The following DLC1 variants were observed in gnomAD, a reference collection of about 807,000 sequenced individuals.
DLC1 encodes DLC1 Rho GTPase activating protein.
A neutral mutation model predicts 140.3 loss-of-function variants in DLC1; 54 were observed. The observed-to-expected ratio is 0.38, with a 90% CI of 0.31 to 0.48. The LOEUF is 0.48. DLC1 is among the 20% of genes least tolerant of loss of function. The pLI is 0.96. For synonymous variants in DLC1, 986 were observed against 728.1 expected (o/e 1.35, Z -5.70); for missense variants, 2,536 against 1,907.0 (o/e 1.33, Z -6.14).
chr8:13,158,228 G>A (rs771414827), intron 5 of DLC1, among the ~76,000 whole-genome samples: 16 of 152,180 alleles, frequency 1.1e-4, no homozygotes, highest in African/African-American at 3.9e-4. Context: ...GGTTAATTGT[G>A]TGTCTGACTT....
At chr8:13,228,742 T>G (rs781665845) in intron 5 of DLC1, among the ~76,000 whole-genome samples, 2 of 152,158 alleles carry the variant, frequency 1.3e-5, no homozygotes, top group African/African-American at 4.8e-5. Context: ...AGAGCGAGAC[T>G]CTGTCTCTTT....
chr8:13,373,890 C>G (rs1835841547), intron 4 of DLC1, among the ~76,000 whole-genome samples: 1 of 152,146 alleles, frequency 6.6e-6, no homozygotes, highest in South Asian at 2.1e-4. Flanking sequence ...AAAGCATGTT[C>G]TACTTTATAA....
chr8:13,382,335 G>A (rs1289378866), intron 4 of DLC1, among the ~76,000 whole-genome samples: 1 of 150,824 alleles, frequency 6.6e-6, no homozygotes, highest in African/African-American at 2.4e-5. Flanking sequence ...TTGAAACCCC[G>A]TCTCTACTAA....
chr8:13,183,471 C>G (rs1437259329), intron 5 of DLC1, among the ~76,000 whole-genome samples: 1 of 151,936 alleles, frequency 6.6e-6, no homozygotes, highest in African/African-American at 2.4e-5. Context: ...ATACCTCTTA[C>G]CATTTTGAGA....
At chr8:13,315,403 A>G (rs1188131) in intron 4 of DLC1, among the ~76,000 whole-genome samples, 6,492 of 152,326 alleles carry the variant, frequency 0.043, 453 homozygotes, top group African/African-American at 0.15. Context: ...ATGTCTATAA[A>G]CATTCTGCTC....
chr8:13,567,401 G>T lies in DLC1; in HGVS notation c.-126+37136C>A, dbSNP rs112415970. On this transcript the variant is annotated intron_variant, in intron 1 of 1. Coordinates refer to the DLC1 transcript ENST00000631382. ...AAGATAAATTTGATTCATCGTAGAGGGGATTCTAAGAAGAAGACGAGCAGC... is the reference window on the plus strand; with the variant it reads ...AAGATAAATTTGATTCATCGTAGAGTGGATTCTAAGAAGAAGACGAGCAGC... 5.7e-5 allele frequency: 89 copies of T among 1,551,728 alleles called. 2 individuals are homozygous for T. Among genetic ancestry groups the T allele is most frequent in the African/African-American group, 5.6e-4 (41 of 73,142 alleles).
intron 1 of DLC1, chr8:13,567,066 G>C: frequency 6.4e-7 from 1 of 1,551,738 alleles, no homozygotes; most frequent in Non-Finnish European, 8.7e-7. Context: ...CTGAGACTTT[G>C]AAGAACTCTA....
At chr8:13,575,331 G>A (rs577716717) in intron 1 of DLC1, among the ~76,000 whole-genome samples, 2 of 152,064 alleles carry the variant, frequency 1.3e-5, no homozygotes, top group South Asian at 2.1e-4. Flanking sequence ...ATTTACTTAC[G>A]TAATGAGGGT....
chr8:13,298,354 A>G (rs1344312600), intron 5 of DLC1, among the ~76,000 whole-genome samples: 5 of 152,176 alleles, frequency 3.3e-5, no homozygotes, highest in Admixed American at 3.3e-4. Flanking sequence ...CCTGGCTGAC[A>G]TATTTGGCCG....
chr8:13,218,428 T>C (rs901271074), intron 5 of DLC1, among the ~76,000 whole-genome samples: 1 of 152,148 alleles, frequency 6.6e-6, no homozygotes, highest in African/African-American at 2.4e-5. Flanking sequence ...CAAAGGAAAC[T>C]GTTGATAAAG....
At position 13,162,613 on chromosome 8, in the gene DLC1, G is replaced by A. The variant is rs1423074535; in HGVS notation, c.1349-46956C>T. Among the ~76,000 whole-genome samples, 5 of 152,128 alleles carry A rather than the reference G, an allele frequency of 3.3e-5. 1 individual carries two copies. The South Asian group carries it at 6.2e-4, about 19-fold the overall frequency. ...GCTAGGATTACAGGCGTGAGCCACG[G>A]CTCCCAGCCAGTAGGCTACAGTTTT... On this transcript the variant is annotated intron_variant, in intron 5 of 17. Coordinates refer to ENST00000276297, the MANE Select transcript of DLC1 (RefSeq NM_182643.3).
At chr8:13,415,715 T>C (rs1838024636) in intron 2 of DLC1, among the ~76,000 whole-genome samples, 1 of 152,082 alleles carries the variant, frequency 6.6e-6, no homozygotes, top group African/African-American at 2.4e-5. Flanking sequence ...ATTTTTATCT[T>C]ATTATTATTT....
At chr8:13,283,249 A>T (rs1208050636) in intron 5 of DLC1, among the ~76,000 whole-genome samples, 1 of 152,054 alleles carries the variant, frequency 6.6e-6, no homozygotes, top group Non-Finnish European at 1.5e-5. Flanking sequence ...TTCCGTAAAA[A>T]GCTATTTGCA....
chr8:13,534,980 G>A (rs1803225035), intron 1 of DLC1, among the ~76,000 whole-genome samples: 1 of 152,036 alleles, frequency 6.6e-6, no homozygotes, highest in South Asian at 2.1e-4. Context: ...TGAGGTATAG[G>A]AGAATCCTTA....
chr8:13,403,807 GTT>G (rs369715973), intron 2 of DLC1, among the ~76,000 whole-genome samples: 2 of 87,288 alleles, frequency 2.3e-5, no homozygotes, highest in African/African-American at 9.2e-5. Context: ...AGGTCTGGCT[GTT>G]TTTTTTTTTT....
chr8:13,405,919 T>TTCTTTCTTTC, intron 2 of DLC1, among the ~76,000 whole-genome samples: 1 of 86,548 alleles, frequency 1.2e-5, no homozygotes, highest in Non-Finnish European at 2.6e-5. Context: ...TTCTTTTCTT[T>TTCTTTCTTTC]TCTTTCTTTC....
chr8:13,192,930 T>C lies in DLC1; in HGVS notation c.1349-77273A>G, dbSNP rs117292927. On this transcript the variant is annotated intron_variant, in intron 5 of 17. Transcript: ENST00000276297. The stretch of plus-strand genomic sequence containing the variant: ...ACTATGAGGAAATAAATTTCAGTTG[T>C]TTGAGCCACCCAGTTTGTGGCGTTT... 3.0e-3 allele frequency among the ~76,000 whole-genome samples: 457 copies of C among 152,294 alleles called. 1 individual carries two copies. Among genetic ancestry groups the C allele is most frequent in the Non-Finnish European group, 4.8e-3 (328 of 68,022 alleles).
At chr8:13,344,261 A>G (rs1834209022) in intron 4 of DLC1, among the ~76,000 whole-genome samples, 1 of 152,192 alleles carries the variant, frequency 6.6e-6, no homozygotes, top group South Asian at 2.1e-4. Flanking sequence ...TGGGAGGCTG[A>G]GGCAGAGGGA....
chr8:13,358,110 G>A (rs1328391616), intron 4 of DLC1, among the ~76,000 whole-genome samples: 1 of 152,024 alleles, frequency 6.6e-6, no homozygotes, highest in Non-Finnish European at 1.5e-5. Context: ...CTGCTATTCT[G>A]TTTTGCTTTA....
Sources: gnomAD v4.1 joint callset for allele counts (sites outside exome capture counted in the v4.1 genomes callset) on GRCh38, gnomAD v4.1.1 for gene constraint, MANE v1.5 for transcripts, NCBI Gene and HGNC (gene_info 2026-07-23, HGNC 2026-07-21) for gene names.